Variants in KLF8 observed in about 807,000 individuals in gnomAD.
The protein encoded by KLF8 is Krueppel-like factor 8.
Under a neutral mutation model 18.2 loss-of-function variants are expected in KLF8, and 10 were observed. The ratio of observed to expected loss-of-function variants is 0.55; its 90% CI spans 0.34 to 0.93. The LOEUF is 0.93. Among genes scored for constraint, KLF8 ranks in the 40% least tolerant of loss-of-function variants. The probability of loss-of-function intolerance (pLI) is 0.02; values close to 1 mark genes in which losing one functional copy is unlikely to be tolerated. For synonymous variants in KLF8, 109 were observed against 97.3 expected (o/e 1.12, Z -0.71); for missense variants, 264 against 277.9 (o/e 0.95, Z 0.36).
At chrX:56,048,495 G>A in the KLF8 span, among the ~76,000 whole-genome samples, 2 of 111,825 alleles carry the variant, frequency 1.8e-5, no homozygotes, top group African/African-American at 6.5e-5. Context: ...TGGCTAGCCA[G>A]TTTTCCCAGC....
chrX:56,103,861 C>A, the KLF8 span, among the ~76,000 whole-genome samples: 5 of 110,764 alleles, frequency 4.5e-5, no homozygotes, highest in African/African-American at 1.6e-4. Flanking sequence ...TCATAGATAG[C>A]TCTTATTATT....
At chrX:56,106,931 A>G in the KLF8 span, among the ~76,000 whole-genome samples, 11 of 112,009 alleles carry the variant, frequency 9.8e-5, no homozygotes, top group African/African-American at 2.9e-4. Flanking sequence ...TGTTGATGCT[A>G]TTCCTTTCTG....
the KLF8 span, among the ~76,000 whole-genome samples, chrX:56,178,330 T>C: frequency 8.9e-5 from 10 of 112,435 alleles, no homozygotes; most frequent in Non-Finnish European, 1.9e-4. Flanking sequence ...TTGATGGGGT[T>C]GTTTGATTTT....
chrX:56,047,969 G>C, the KLF8 span, among the ~76,000 whole-genome samples: 2 of 111,951 alleles, frequency 1.8e-5, no homozygotes, highest in Non-Finnish European at 3.8e-5. Context: ...TAACTGGTGT[G>C]AGATGGTATC....
the KLF8 span, among the ~76,000 whole-genome samples, chrX:56,049,730 T>C: frequency 9.1e-6 from 1 of 109,676 alleles, no homozygotes; most frequent in East Asian, 2.8e-4. Context: ...AAAATTCTCT[T>C]TTTTTGTTGT....
At chrX:55,943,692 G>A in the KLF8 span, among the ~76,000 whole-genome samples, 1 of 112,160 alleles carries the variant, frequency 8.9e-6, no homozygotes, top group South Asian at 3.7e-4. Context: ...ATGGAGGAAA[G>A]CCAATGGCTT....
the KLF8 span, among the ~76,000 whole-genome samples, chrX:56,049,367 A>G: frequency 1.2e-4 from 13 of 111,405 alleles, no homozygotes; most frequent in African/African-American, 4.2e-4. Context: ...GAGTGCTTCT[A>G]GTTTTTGTCC....
chrX:55,963,076 T>A, the KLF8 span, among the ~76,000 whole-genome samples: 2 of 112,560 alleles, frequency 1.8e-5, no homozygotes, highest in Admixed American at 9.4e-5. Flanking sequence ...CTCTTCTCCC[T>A]TGTCATTGTT....
the KLF8 span, among the ~76,000 whole-genome samples, chrX:56,046,807 G>T: frequency 9.0e-6 from 1 of 111,495 alleles, no homozygotes; most frequent in Admixed American, 9.6e-5. Context: ...CAGCTGTAAA[G>T]ATTTTTTCCT....
At chrX:55,939,035 T>A in the KLF8 span, among the ~76,000 whole-genome samples, 7 of 111,831 alleles carry the variant, frequency 6.3e-5, no homozygotes, top group African/African-American at 2.3e-4. Context: ...CTAATAGACA[T>A]CTACAGAACT....
chrX:56,241,048 C>T lies in KLF8; in HGVS notation c.7+7707C>T, dbSNP rs569680352. Among the ~76,000 whole-genome samples the T allele has an allele frequency of 2.3e-4, 26 of 111,905 alleles. No homozygotes were observed. In the South Asian group the frequency reaches 8.7e-3, roughly 37 times the overall value. ...TATCTGGGATTTGCATAAAAATATA[C>T]ATTGAGGTAGGGGGAGTGGGTTGAG... On this transcript the variant is annotated intron_variant, in intron 1 of 5. Transcript: ENST00000468660.
At chrX:56,174,593 G>A in the KLF8 span, among the ~76,000 whole-genome samples, 2 of 111,339 alleles carry the variant, frequency 1.8e-5, no homozygotes, top group African/African-American at 3.3e-5. Flanking sequence ...TTTGGTATCA[G>A]GATGATGCTG....
chrX:55,911,862 C>A, the KLF8 span, among the ~76,000 whole-genome samples: 13 of 112,055 alleles, frequency 1.2e-4, no homozygotes, highest in African/African-American at 4.2e-4. Context: ...TAAAGGGAGA[C>A]TTGTGGATTA....
chrX:55,989,734 G>T, the KLF8 span, among the ~76,000 whole-genome samples: 2 of 112,123 alleles, frequency 1.8e-5, no homozygotes, highest in East Asian at 5.6e-4. Flanking sequence ...AGTTAGGGAG[G>T]ATTCCCTCTT....
intron 1 of KLF8, among the ~76,000 whole-genome samples, chrX:56,246,262 C>T (rs2066621643): frequency 8.9e-6 from 1 of 111,782 alleles, no homozygotes; most frequent in Non-Finnish European, 1.9e-5. Context: ...TCTATCTTTC[C>T]TCATTTCCCT....
the KLF8 span, among the ~76,000 whole-genome samples, chrX:56,198,519 T>C: frequency 9.0e-6 from 1 of 111,619 alleles, no homozygotes; most frequent in East Asian, 2.8e-4. Flanking sequence ...TATGCAGGAA[T>C]CCAATTTACA....
intron 5 of KLF8, among the ~76,000 whole-genome samples, chrX:56,282,173 T>A (rs2067210209): frequency 8.9e-6 from 1 of 112,482 alleles, no homozygotes; most frequent in East Asian, 2.8e-4. Context: ...GAAATCCTAT[T>A]CTTCTTCCCT....
At position 56,285,200 on chromosome X, in the gene KLF8, C is replaced by T. The variant is rs1306071512; in HGVS notation, c.*706C>T. On this transcript the variant is annotated 3_prime_UTR_variant, in exon 6 of 6. Transcript: ENST00000468660. ...CTCTTTTTTTTCTTTTCCACTTTCTCCTTCAGGATTAAAGATTTTGCTGCA... is the reference window on the plus strand; with the variant it reads ...CTCTTTTTTTTCTTTTCCACTTTCTTCTTCAGGATTAAAGATTTTGCTGCA... 9.0e-6 allele frequency: 1 copy of T among 111,729 alleles called. No individual in the cohort carries two copies. The highest frequency in any genetic ancestry group is 1.9e-5 in the Non-Finnish European group (1 of 53,189). 9.2% of individuals were successfully genotyped at this position (111,729 alleles called of 1,213,427 possible). A position where few individuals can be genotyped will look rare whatever the true frequency, so the allele number is the denominator to read the frequency against.
the KLF8 span, among the ~76,000 whole-genome samples, chrX:56,164,729 C>CTTTTTTTTTTTTTTTTTTTTTTTTTTT: frequency 2.1e-4 from 11 of 51,900 alleles, no homozygotes; most frequent in South Asian, 1.1e-3. Context: ...CTTGTTATCT[C>CTTTTTTTTTTTTTTTTTTTTTTTTTTT]TTTTTTTTTT....
Sources: allele counts gnomAD v4.1 joint callset (sites outside exome capture counted in the v4.1 genomes callset), GRCh38; gene constraint gnomAD v4.1.1; transcripts MANE v1.5; gene names NCBI Gene and HGNC (gene_info 2026-07-23, HGNC 2026-07-21).